Variants in PCOLCE2 observed in about 807,000 individuals in gnomAD.
PCOLCE2 encodes procollagen C-endopeptidase enhancer 2, also known as procollagen C-proteinase enhancer 2.
Under a neutral mutation model 47.0 loss-of-function variants are expected in PCOLCE2, and 42 were observed. That is an observed-to-expected ratio of 0.89 (90% CI 0.70 to 1.16). The LOEUF (loss-of-function observed/expected upper bound fraction) is 1.16, where lower values mean the gene tolerates loss of function less well. Ranked by LOEUF, PCOLCE2 falls within the 50% of genes most tolerant of loss-of-function variation. The pLI, the probability that PCOLCE2 is intolerant of heterozygous loss-of-function variation, is 0.00. For missense variants in PCOLCE2, 500 were observed against 526.1 expected, an observed-to-expected ratio of 0.95 and a Z score of 0.49; for synonymous variants, 169 against 191.7, an observed-to-expected ratio of 0.88 and a Z score of 0.98.
In PCOLCE2 at chr3:142,887,713, G is replaced by A. The variant is rs1295961965; in HGVS notation, c.148C>T (p.Pro50Ser). The change falls in exon 2 of 9, where the codon CCT (proline) becomes TCT (serine). Residue 50 changes from proline to serine, a missense_variant. Pro to Ser is a moderately conservative substitution (Grantham distance 74). Coordinates refer to ENST00000295992, the MANE Select transcript of PCOLCE2 (RefSeq NM_013363.4). The part of the protein sequence containing the change: ...ESGFIGSEGF[P>S]GVYPPNSKCT... ...TTGCTATTTGGAGGGTACACTCCAG[G>A]AAAACCTTCACTGCCAATAAATCCA... The A allele has an allele frequency of 1.9e-6, 3 of 1,608,868 alleles. No homozygotes were observed. The highest frequency in any genetic ancestry group is 2.6e-6 in the Non-Finnish European group (3 of 1,175,454).
rs11440595 is a variant in PCOLCE2, at chr3:142,882,199, TA to T, written c.192+5469del. 4.9e-4 allele frequency among the ~76,000 whole-genome samples: 72 copies of T among 148,274 alleles called. No homozygotes were observed. The South Asian group carries it at 6.0e-3, about 12-fold the overall frequency. The stretch of plus-strand genomic sequence containing the variant: ...TGCATACAACCACTCCTGGCTAATT[TA>T]AAAAAAAAAAAATTGCAGAGACAGG... On this transcript the variant is annotated intron_variant, in intron 2 of 8. Transcript: ENST00000295992.
chr3:142,833,306 A>G (rs1325778654), intron 5 of PCOLCE2, among the ~76,000 whole-genome samples: 1 of 152,008 alleles, frequency 6.6e-6, no homozygotes, highest in African/African-American at 2.4e-5. Context: ...CTCCCACCTC[A>G]GCCTCCCAAG....
chr3:142,884,648 G>A (rs968148420), intron 2 of PCOLCE2, among the ~76,000 whole-genome samples: 8 of 152,148 alleles, frequency 5.3e-5, no homozygotes, highest in East Asian at 1.9e-4. Flanking sequence ...ATCAACTCTT[G>A]GTGATAAAGC....
chr3:142,835,329 T>C (rs1937190819), intron 5 of PCOLCE2, among the ~76,000 whole-genome samples: 2 of 152,230 alleles, frequency 1.3e-5, no homozygotes, highest in Non-Finnish European at 2.9e-5. Context: ...ATTTATCATT[T>C]ATATAGCAAC....
At chr3:142,850,475 T>C (rs1277898833) in intron 2 of PCOLCE2, among the ~76,000 whole-genome samples, 1 of 152,150 alleles carries the variant, frequency 6.6e-6, no homozygotes, top group Non-Finnish European at 1.5e-5. Context: ...ATCAAGTCTG[T>C]GAAGAGGTCA....
intron 2 of PCOLCE2, among the ~76,000 whole-genome samples, chr3:142,858,181 G>A (rs1402291019): frequency 1.3e-5 from 2 of 152,032 alleles, no homozygotes; most frequent in Admixed American, 1.3e-4. Flanking sequence ...CTCCCCTTTG[G>A]TGCCTCCTCG....
chr3:142,845,860 A>T (rs1937322518), intron 3 of PCOLCE2, among the ~76,000 whole-genome samples: 1 of 152,140 alleles, frequency 6.6e-6, no homozygotes, highest in Non-Finnish European at 1.5e-5. Flanking sequence ...CTGTAATCCC[A>T]GCTGCTTGAG....
chr3:142,824,524 AG>A (rs1937051975), intron 6 of PCOLCE2, among the ~76,000 whole-genome samples: 1 of 152,242 alleles, frequency 6.6e-6, no homozygotes, highest in African/African-American at 2.4e-5. Context: ...ACAATATGCT[AG>A]GAAGAACTAA....
intron 5 of PCOLCE2, among the ~76,000 whole-genome samples, chr3:142,837,007 A>G (rs1325057907): frequency 1.3e-5 from 2 of 152,238 alleles, no homozygotes; most frequent in Non-Finnish European, 2.9e-5. Context: ...TCAGAAGAGG[A>G]GAGTGTCCTT....
At chr3:142,839,022 A>C in intron 4 of PCOLCE2, 116 bp from the exon 5 acceptor site, 1 of 749,100 alleles carries the variant, frequency 1.3e-6, no homozygotes, top group South Asian at 2.2e-5. Flanking sequence ...TTGTAAAAAA[A>C]GTATGCATTA....
At chr3:142,854,796 G>T (rs1003561055) in intron 2 of PCOLCE2, among the ~76,000 whole-genome samples, 11 of 152,094 alleles carry the variant, frequency 7.2e-5, no homozygotes, top group African/African-American at 2.4e-4. Context: ...CAGGTGCCAG[G>T]TATTTTTCTA....
At chr3:142,886,595 G>A (rs540147847) in intron 2 of PCOLCE2, among the ~76,000 whole-genome samples, 36 of 152,260 alleles carry the variant, frequency 2.4e-4, no homozygotes, top group Non-Finnish European at 4.6e-4. Flanking sequence ...ATTATGGAAG[G>A]GGACCTCTCA....
At chr3:142,834,891 A>G (rs991384118) in intron 5 of PCOLCE2, among the ~76,000 whole-genome samples, 2 of 152,204 alleles carry the variant, frequency 1.3e-5, no homozygotes, top group African/African-American at 4.8e-5. Flanking sequence ...GTGCAGTATT[A>G]GAAATGTCTG....
intron 2 of PCOLCE2, among the ~76,000 whole-genome samples, chr3:142,873,332 G>T (rs540107273): frequency 6.6e-6 from 1 of 150,564 alleles, no homozygotes; most frequent in South Asian, 2.1e-4. Context: ...GGCAGAGGTT[G>T]CAGTGAGACA....
At chr3:142,880,111 T>C (rs1236492178) in intron 2 of PCOLCE2, among the ~76,000 whole-genome samples, 1 of 149,520 alleles carries the variant, frequency 6.7e-6, no homozygotes, top group East Asian at 2.0e-4. Flanking sequence ...TATGCAAACA[T>C]TTTCTGTTAG....
intron 1 of PCOLCE2, 120 bp from the exon 2 acceptor site, chr3:142,887,897 C>T (rs763725319): frequency 4.8e-6 from 3 of 625,064 alleles, no homozygotes; most frequent in South Asian, 2.0e-5. Flanking sequence ...TTAATCAATG[C>T]TTGCACCATA....
chr3:142,826,149 T>A lies in PCOLCE2; in HGVS notation c.866-2534A>T, dbSNP rs574381362. On this transcript the variant is annotated intron_variant, in intron 6 of 8. Transcript: ENST00000295992. ...CCTCCCGAGTAGCTGGGACTACAGG[T>A]GCCCACCACCACGCCCGGCTAATTT... Among the ~76,000 whole-genome samples the A allele has an allele frequency of 5.3e-5, 8 of 151,986 alleles. No individual in the cohort carries two copies. The South Asian group carries it at 1.7e-3, about 32-fold the overall frequency.
chr3:142,846,872 AT>A (rs1463265852), intron 3 of PCOLCE2: 1 of 152,154 alleles, frequency 6.6e-6, no homozygotes, highest in African/African-American at 2.4e-5. Flanking sequence ...TTATGCACAT[AT>A]TTCCCTTTAT....
At chr3:142,849,146 C>T (rs1300549561) in intron 2 of PCOLCE2, among the ~76,000 whole-genome samples, 1 of 99,002 alleles carries the variant, frequency 1.0e-5, no homozygotes, top group Non-Finnish European at 2.3e-5. Context: ...GAGCGAGACT[C>T]CACCTCAAAA....
Sources: gnomAD v4.1 joint callset for allele counts (sites outside exome capture counted in the v4.1 genomes callset) on GRCh38, gnomAD v4.1.1 for gene constraint, MANE v1.5 for transcripts, NCBI Gene and HGNC (gene_info 2026-07-23, HGNC 2026-07-21) for gene names.